Variants in SEC13 observed in about 807,000 individuals in gnomAD.
The protein encoded by SEC13 is protein SEC13 homolog.
Under a neutral mutation model 49.2 loss-of-function variants are expected in SEC13, and 25 were observed. That is an observed-to-expected ratio of 0.51 (90% CI 0.37 to 0.71). SEC13 has a LOEUF of 0.71. SEC13 is among the 30% of genes least tolerant of loss of function. The pLI is 0.00. For missense variants in SEC13, 383 were observed against 417.6 expected (o/e 0.92, Z 0.72); for synonymous variants, 148 against 163.9 (o/e 0.90, Z 0.74).
intron 1 of SEC13, chr3:10,319,270 G>C (rs1553638895): frequency 1.2e-6 from 2 of 1,609,110 alleles, no homozygotes; most frequent in African/African-American, 1.3e-5. Context: ...GTAAGCACAG[G>C]TTCTCTCATC....
At chr3:10,304,724 A>G (rs1280164431) in intron 7 of SEC13, among the ~76,000 whole-genome samples, 1 of 152,088 alleles carries the variant, frequency 6.6e-6, no homozygotes, top group Non-Finnish European at 1.5e-5. Flanking sequence ...GTTGCTTGGG[A>G]ACACTTGGAA....
chr3:10,320,469 G>C, intron 1 of SEC13: 5 of 975,736 alleles, frequency 5.1e-6, no homozygotes, highest in Non-Finnish European at 6.1e-6. Flanking sequence ...TCGGAGGGTC[G>C]TTCAGGCCAT....
At chr3:10,319,314 A>G (rs2059722524) in intron 1 of SEC13, 1 of 1,583,958 alleles carries the variant, frequency 6.3e-7, no homozygotes, top group African/African-American at 1.4e-5. Context: ...AGGTCCCCGA[A>G]GTCTGCAAAG....
At chr3:10,320,154 G>A (rs2059751206) in intron 1 of SEC13, among the ~76,000 whole-genome samples, 1 of 152,196 alleles carries the variant, frequency 6.6e-6, no homozygotes, top group Non-Finnish European at 1.5e-5. Flanking sequence ...TGAGCTGAAT[G>A]TCAGAGCATA....
chr3:10,311,621 T>TAAA, intron 5 of SEC13: 1 of 1,098,862 alleles, frequency 9.1e-7, no homozygotes, highest in Non-Finnish European at 1.1e-6. Context: ...ACATACTTTT[T>TAAA]AAAAGTTTTA....
At chr3:10,310,872 G>A (rs1701209335) in intron 5 of SEC13, among the ~76,000 whole-genome samples, 1 of 152,124 alleles carries the variant, frequency 6.6e-6, no homozygotes, top group Non-Finnish European at 1.5e-5. Flanking sequence ...GTATTATCCA[G>A]CCATAAAAAG....
chr3:10,313,353 T>A (rs1322678701), intron 3 of SEC13: 2 of 498,558 alleles, frequency 4.0e-6, no homozygotes, highest in East Asian at 1.1e-4. Context: ...TAGAGTAGCA[T>A]GGTAGAGTTA....
intron 3 of SEC13, chr3:10,313,430 CT>C: frequency 1.9e-6 from 1 of 531,068 alleles, no homozygotes; most frequent in South Asian, 1.4e-5. Flanking sequence ...ATATCTTTGT[CT>C]CTTTACCTGA....
Position 10,312,683 on chromosome 3 carries a change from C to T in SEC13, c.212G>A (p.Gly71Asp), listed in dbSNP as rs752846350. 3 of 1,614,166 alleles carry T rather than the reference C, an allele frequency of 1.9e-6. No individual in the cohort carries two copies. The Admixed American group carries it at 5.0e-5, about 27-fold the overall frequency. The change falls in exon 4 of 9, where the codon GGC becomes GAC. Residue 71 changes from glycine (G) to aspartate (D), a missense_variant. Coordinates refer to ENST00000350697, the MANE Select transcript of SEC13 (RefSeq NM_183352.3). ...WQVAWAHPMY[G>D]NILASCSYDR... ...ATAGGAGCACGATGCCAGGATGTTG[C>T]CGTACATGGGGTGAGCCCAGGCCAC...
At chr3:10,305,186 AG>A in intron 6 of SEC13, 30 bp from the exon 7 acceptor site, 1 of 1,587,036 alleles carries the variant, frequency 6.3e-7, no homozygotes, top group Non-Finnish European at 8.6e-7. Flanking sequence ...GAGAATCAGC[AG>A]GGGGCCGTTC....
At chr3:10,304,926 G>T in intron 7 of SEC13, 107 bp downstream of exon 7, 1 of 1,547,940 alleles carries the variant, frequency 6.5e-7, no homozygotes, top group South Asian at 1.1e-5. Context: ...AAAGGTGCCT[G>T]TTGCTCTCCC....
At chr3:10,307,913 G>GTAAC (rs1241150142) in intron 5 of SEC13, among the ~76,000 whole-genome samples, 2 of 152,158 alleles carry the variant, frequency 1.3e-5, no homozygotes, top group Non-Finnish European at 2.9e-5. Flanking sequence ...TTCTCTACAA[G>GTAAC]TAACTATATA....
chr3:10,318,158 C>A, intron 1 of SEC13, 64 bp from the exon 2 acceptor site: 1 of 1,092,644 alleles, frequency 9.2e-7, no homozygotes, highest in South Asian at 1.3e-5. Flanking sequence ...ATCTCAAGTT[C>A]TTGACTGCAT....
rs750353188 is a variant in SEC13, at chr3:10,301,378, C to T, written c.856-4G>A. The T allele has an allele frequency of 6.1e-5, 98 of 1,614,036 alleles. No individual in the cohort carries two copies. Among genetic ancestry groups the T allele is most frequent in the Non-Finnish European group, 7.9e-5 (93 of 1,180,050 alleles). ...CTGACTCCTTCCACAGGGTCACCTGCGAGTCAGTGCACAAGCAGATTATCA... is the reference window on the plus strand; with the variant it reads ...CTGACTCCTTCCACAGGGTCACCTGTGAGTCAGTGCACAAGCAGATTATCA... On this transcript the variant is annotated splice_polypyrimidine_tract_variant and splice_region_variant and intron_variant, in intron 8 of 8. Transcript: ENST00000350697.
chr3:10,300,983 A>T lies in SEC13; in HGVS notation c.*278T>A. Reference sequence around the variant, plus strand: ...CCTTTGGAAACAAAACCCCCCAAATAATGCCTGAACCCAAAGGTACATAAA... The same window carrying T: ...CCTTTGGAAACAAAACCCCCCAAATTATGCCTGAACCCAAAGGTACATAAA... On this transcript the variant is annotated 3_prime_UTR_variant, in exon 9 of 9. Transcript: ENST00000350697. 8.5e-7 allele frequency: 1 copy of T among 1,182,964 alleles called. No homozygotes were observed. The highest frequency in any genetic ancestry group is 1.2e-6 in the Non-Finnish European group (1 of 823,136). The allele number at this position is 1,182,964 out of a possible 1,614,324, so 73.3% of individuals were successfully genotyped here. A position where few individuals can be genotyped will look rare whatever the true frequency, so the allele number is the denominator to read the frequency against.
intron 3 of SEC13, among the ~76,000 whole-genome samples, chr3:10,314,292 T>C (rs922099567): frequency 1.3e-5 from 2 of 152,204 alleles, no homozygotes; most frequent in Admixed American, 1.3e-4. Context: ...GTTATCAAAA[T>C]ATTATAAAGC....
At chr3:10,305,765 C>A in intron 5 of SEC13, 73 bp from the exon 6 acceptor site, 1 of 1,541,388 alleles carries the variant, frequency 6.5e-7, no homozygotes, top group Non-Finnish European at 8.9e-7. Context: ...GCCTGCTGTC[C>A]CTCTCCCCTC....
At chr3:10,315,462 G>C (rs1367165978) in intron 2 of SEC13, 26 bp from the exon 3 acceptor site, 1 of 1,107,466 alleles carries the variant, frequency 9.0e-7, no homozygotes, top group Admixed American at 2.3e-5. Context: ...AGCTCGGGAA[G>C]CCTGCAGGCT....
rs116938867 is a variant in SEC13 at position 10,307,493 on chromosome 3, A to G, written c.451-1801T>C. 0.011 allele frequency among the ~76,000 whole-genome samples: 1,701 copies of G among 152,034 alleles called. 100 individuals carry two copies. In the East Asian group the frequency reaches 0.14, roughly 12 times the overall value. On this transcript the variant is annotated intron_variant, in intron 5 of 8. Transcript: ENST00000350697. ...AGAGGTTTAATGGACTTACAGCTCC[A>G]TGTAGCTGGGGAGGCCTCACAATCA...
Sources: gnomAD v4.1 joint callset for allele counts (sites outside exome capture counted in the v4.1 genomes callset) on GRCh38, gnomAD v4.1.1 for gene constraint, MANE v1.5 for transcripts, NCBI Gene and HGNC (gene_info 2026-07-23, HGNC 2026-07-21) for gene names.